Variants in SMOC2 observed in about 807,000 individuals in gnomAD.
The protein encoded by SMOC2 is SPARC related modular calcium binding 2, also known as SPARC-related modular calcium-binding protein 2.
SMOC2 carries 39 observed loss-of-function variants against 61.4 expected under a neutral mutation model. The observed-to-expected ratio is 0.64, with a 90% CI of 0.49 to 0.83. The LOEUF (loss-of-function observed/expected upper bound fraction) is 0.83, where lower values mean the gene tolerates loss of function less well. SMOC2 is among the 40% of genes least tolerant of loss of function. SMOC2 has a pLI of 0.00. For synonymous variants in SMOC2, 247 were observed against 239.9 expected, an observed-to-expected ratio of 1.03 and a Z score of -0.27; for missense variants, 556 against 592.9, an observed-to-expected ratio of 0.94 and a Z score of 0.65.
In SMOC2 at chr6:168,600,143, C is replaced by T. The variant is rs112719018; in HGVS notation, c.824+1139C>T. Among the ~76,000 whole-genome samples, 697 of 152,214 alleles carry T rather than the reference C, an allele frequency of 4.6e-3. 6 individuals carry two copies. Among genetic ancestry groups the T allele is most frequent in the African/African-American group, 0.016 (661 of 41,534 alleles). Reference sequence around the variant, plus strand: ...TGGCTTGGTCAGGCGCGGTGGTTCACGCCTGTAATCCCAGAACCGTGGGAG... The same window carrying T: ...TGGCTTGGTCAGGCGCGGTGGTTCATGCCTGTAATCCCAGAACCGTGGGAG... On this transcript the variant is annotated intron_variant, in intron 8 of 12. Transcript: ENST00000356284.
intron 7 of SMOC2, among the ~76,000 whole-genome samples, chr6:168,574,027 G>A (rs1484130828): frequency 6.6e-6 from 1 of 152,156 alleles, no homozygotes; most frequent in African/African-American, 2.4e-5. Context: ...CCACCACAGG[G>A]GCTGACTGGG....
intron 8 of SMOC2, among the ~76,000 whole-genome samples, chr6:168,603,720 A>AG (rs1393740740): frequency 7.8e-6 from 1 of 128,024 alleles, no homozygotes; most frequent in African/African-American, 2.6e-5. Context: ...GGAAAAAAAA[A>AG]AAAACCAGTA....
At chr6:168,615,294 C>T (rs1187162622) in intron 9 of SMOC2, among the ~76,000 whole-genome samples, 14 of 82,498 alleles carry the variant, frequency 1.7e-4, no homozygotes, top group East Asian at 4.0e-4. Flanking sequence ...GGGGCCTCTT[C>T]ACACCTACAG....
chr6:168,638,056 C>CCTG (rs1193677817), intron 9 of SMOC2, among the ~76,000 whole-genome samples: 5 of 151,308 alleles, frequency 3.3e-5, no homozygotes, highest in Admixed American at 3.3e-4. Flanking sequence ...CAGTCCCTGC[C>CCTG]CTGCCCCTGC....
chr6:168,556,033 C>G (rs1434270873), intron 7 of SMOC2, among the ~76,000 whole-genome samples: 1 of 152,160 alleles, frequency 6.6e-6, no homozygotes, highest in African/African-American at 2.4e-5. Context: ...TCCAGGCAGG[C>G]CTGGGGCCTC....
rs1781499235 is a variant in SMOC2 at position 168,453,047 on chromosome 6, G to A, written c.84+11593G>A. Among the ~76,000 whole-genome samples, 1 of 152,252 alleles carries A rather than the reference G, an allele frequency of 6.6e-6. No individual in the cohort carries two copies. The highest frequency in any genetic ancestry group is 1.5e-5 in the Non-Finnish European group (1 of 68,046). ...AGTTCCCTGGAAGTCGGTCTTGGGAGGACACAGCCTCTGTTTCTGCACCAG... is the reference window on the plus strand; with the variant it reads ...AGTTCCCTGGAAGTCGGTCTTGGGAAGACACAGCCTCTGTTTCTGCACCAG... On this transcript the variant is annotated intron_variant, in intron 1 of 12. Coordinates refer to ENST00000356284, the MANE Select transcript of SMOC2 (RefSeq NM_001166412.2). The surrounding 1 kb of genome is among the most constrained non-coding windows in gnomAD (Gnocchi z 4.4).
At chr6:168,516,527 G>C (rs974207272) in intron 2 of SMOC2, among the ~76,000 whole-genome samples, 1 of 152,124 alleles carries the variant, frequency 6.6e-6, no homozygotes, top group Non-Finnish European at 1.5e-5. Context: ...GGTGACAAAG[G>C]CTCTAACTTC....
intron 4 of SMOC2, 92 bp downstream of exon 4, chr6:168,527,819 A>T (rs1471017190): frequency 3.3e-6 from 3 of 903,818 alleles, no homozygotes; most frequent in Non-Finnish European, 1.8e-6. Flanking sequence ...CTGATAATTC[A>T]AAGGGAAATC....
rs756546560 is a variant in SMOC2 at position 168,664,108 on chromosome 6, A to T, written c.1320A>T (p.Arg440Ser). The T allele has an allele frequency of 6.2e-7, 1 of 1,602,476 alleles. No homozygotes were observed. Among genetic ancestry groups the T allele is most frequent in the Non-Finnish European group, 8.5e-7 (1 of 1,175,212 alleles). ...GTCATGCTGAAAGTACGTCTAATAG[A>T]CAGGTAAGTATGTTTATATTTTACT... ...PRGHAESTSN[R>S]QPRKQG The change falls in exon 12 of 13, where the codon AGA becomes AGT. Residue 440 changes from arginine (R) to serine (S), a missense_variant. By Grantham distance (110) the Arg-to-Ser change is moderately radical. Transcript: ENST00000356284.
Position 168,441,256 on chromosome 6 carries a change from C to G in SMOC2, c.-115C>G. 7.3e-7 allele frequency: 1 copy of G among 1,360,544 alleles called. No individual in the cohort carries two copies. The highest frequency in any genetic ancestry group is 1.8e-5 in the South Asian group (1 of 56,280). The allele number at this position is 1,360,544 out of a possible 1,614,324, so 84.3% of individuals were successfully genotyped here. A position where few individuals can be genotyped will look rare whatever the true frequency, so the allele number is the denominator to read the frequency against. ...CCGCCGGGAGCGGTGGGGAGAGCATCGCGGAGCCGCCCCTCCACGCGCCCG... is the reference window on the plus strand; with the variant it reads ...CCGCCGGGAGCGGTGGGGAGAGCATGGCGGAGCCGCCCCTCCACGCGCCCG... On this transcript the variant is annotated 5_prime_UTR_variant, in exon 1 of 13. It adds an upstream start codon to the 5' untranslated region. Transcript: ENST00000356284.
chr6:168,649,465 G>T (rs989131401), intron 9 of SMOC2, among the ~76,000 whole-genome samples: 2 of 152,178 alleles, frequency 1.3e-5, no homozygotes, highest in African/African-American at 2.4e-5. Flanking sequence ...CAGTGGGGAC[G>T]CTGTCCCTCC....
chr6:168,666,756 G>A lies in SMOC2; in HGVS notation c.*318G>A, dbSNP rs2298293. 124 of 322,586 alleles carry A rather than the reference G, an allele frequency of 3.8e-4. 1 individual carries two copies. In the East Asian group the frequency reaches 5.0e-3, roughly 13 times the overall value. 20.0% of individuals were successfully genotyped at this position (322,586 alleles called of 1,614,324 possible). On this transcript the variant is annotated 3_prime_UTR_variant, in exon 13 of 13. Coordinates refer to ENST00000356284, the MANE Select transcript of SMOC2 (RefSeq NM_001166412.2). The stretch of plus-strand genomic sequence containing the variant: ...TTAACAGTAGAGCTCTATGCACTCC[G>A]GCTGCAATCGTATGGCTTTCTCTAA...
At chr6:168,518,769 G>A (rs971028396) in intron 2 of SMOC2, among the ~76,000 whole-genome samples, 4 of 150,034 alleles carry the variant, frequency 2.7e-5, no homozygotes, top group South Asian at 2.1e-4. Context: ...GTTCATGTGC[G>A]TGTGTGCATG....
At chr6:168,618,958 A>G (rs958017601) in intron 9 of SMOC2, among the ~76,000 whole-genome samples, 23 of 152,224 alleles carry the variant, frequency 1.5e-4, no homozygotes, top group Admixed American at 5.9e-4. Flanking sequence ...TATTCAATAT[A>G]ATAAGACAAT....
intron 2 of SMOC2, among the ~76,000 whole-genome samples, chr6:168,520,369 C>A (rs1342305374): frequency 2.6e-5 from 4 of 152,184 alleles, no homozygotes; most frequent in Non-Finnish European, 4.4e-5. Context: ...ATTGCCGTGG[C>A]CACTACAAAG....
chr6:168,664,206 TC>T, intron 12 of SMOC2, 95 bp downstream of exon 12: 1 of 638,400 alleles, frequency 1.6e-6, no homozygotes, highest in Non-Finnish European at 2.6e-6. Context: ...GCCAGTACCT[TC>T]CAAGAAAATC....
chr6:168,462,008 A>G (rs1781729903), intron 1 of SMOC2, among the ~76,000 whole-genome samples: 1 of 152,104 alleles, frequency 6.6e-6, no homozygotes, highest in African/African-American at 2.4e-5. Context: ...CTACTGGAGG[A>G]GGGCTCTTTA....
intron 1 of SMOC2, among the ~76,000 whole-genome samples, chr6:168,448,716 T>C (rs1400084625): frequency 6.6e-6 from 1 of 152,200 alleles, no homozygotes; most frequent in Non-Finnish European, 1.5e-5. Flanking sequence ...AAACTCCCTC[T>C]TCCTACCATA....
chr6:168,525,770 C>T (rs899000620), intron 2 of SMOC2, among the ~76,000 whole-genome samples: 2 of 152,080 alleles, frequency 1.3e-5, no homozygotes, highest in African/African-American at 2.4e-5. Flanking sequence ...AGGGACGAGC[C>T]ACGCTCTCCT....
Sources: gnomAD v4.1 joint callset for allele counts (sites outside exome capture counted in the v4.1 genomes callset) on GRCh38, gnomAD v4.1.1 for gene constraint, Gnocchi (gnomAD v3.1) non-coding constraint, MANE v1.5 for transcripts, NCBI Gene and HGNC (gene_info 2026-07-23, HGNC 2026-07-21) for gene names.